SIK2: variants seen among roughly 807,000 people sequenced by gnomAD.
SIK2 encodes the protein salt inducible kinase 2, also known as serine/threonine-protein kinase SIK2.
A neutral mutation model predicts 103.2 loss-of-function variants in SIK2; 29 were observed. That is an observed-to-expected ratio of 0.28 (90% confidence interval 0.21 to 0.38). SIK2 has a LOEUF of 0.38. SIK2 is among the 10% of genes least tolerant of loss of function. SIK2 has a pLI of 1.00. For missense variants in SIK2, 879 were observed against 1,171.0 expected, an observed-to-expected ratio of 0.75 and a Z score of 3.64; for synonymous variants, 412 against 446.1, an observed-to-expected ratio of 0.92 and a Z score of 0.96.
At chr11:111,721,675 G>T in intron 12 of SIK2, among the ~76,000 whole-genome samples, 155 bp from the exon 13 acceptor site, 1 of 152,166 alleles carries the variant, frequency 6.6e-6, no homozygotes, top group Non-Finnish European at 1.5e-5. Context: ...AGAGTAATGA[G>T]CCCTCAGCCT....
Position 111,730,630 on chromosome 11 carries a change from A to G in SIK2, c.*6501A>G, listed in dbSNP as rs546257117. The G allele has an allele frequency of 3.6e-4, 55 of 152,256 alleles. No individual in the cohort carries two copies. The highest frequency in any genetic ancestry group is 1.3e-3 in the African/African-American group (55 of 41,540). The allele number at this position is 152,256 out of a possible 1,614,324, so 9.4% of individuals were successfully genotyped here. A position where few individuals can be genotyped will look rare whatever the true frequency, so the allele number is the denominator to read the frequency against. On this transcript the variant is annotated 3_prime_UTR_variant, in exon 15 of 15. Coordinates refer to ENST00000304987, the MANE Select transcript of SIK2 (RefSeq NM_015191.3). ...TACTAAGAAAAAAATTGGTGAGTTC[A>G]GTAGCTTTGGTATTATGAGTGCAAA...
chr11:111,699,775 GCTGA>G (rs1306554819), intron 4 of SIK2, among the ~76,000 whole-genome samples: 11 of 152,222 alleles, frequency 7.2e-5, no homozygotes, highest in Non-Finnish European at 1.3e-4. Flanking sequence ...ACAGCAACCT[GCTGA>G]CTAAGTGTAT....
At chr11:111,612,588 G>A (rs958816607) in intron 1 of SIK2, among the ~76,000 whole-genome samples, 6 of 152,010 alleles carry the variant, frequency 3.9e-5, no homozygotes, top group African/African-American at 1.4e-4. Context: ...TTCCAGCCCT[G>A]GCCCATAAAA....
chr11:111,708,679 G>A (rs2135940276), intron 8 of SIK2, among the ~76,000 whole-genome samples: 1 of 152,200 alleles, frequency 6.6e-6, no homozygotes, highest in Admixed American at 6.5e-5. Flanking sequence ...AACCTCCTGG[G>A]CTCAGGCGAT....
At chr11:111,651,273 A>G (rs1311689846) in intron 3 of SIK2, among the ~76,000 whole-genome samples, 1 of 152,198 alleles carries the variant, frequency 6.6e-6, no homozygotes, top group Non-Finnish European at 1.5e-5. Context: ...ATGTGCTTAC[A>G]AAGACATGGA....
chr11:111,698,853 A>G (rs1417576931), intron 4 of SIK2, among the ~76,000 whole-genome samples: 1 of 152,244 alleles, frequency 6.6e-6, no homozygotes, highest in Non-Finnish European at 1.5e-5. Flanking sequence ...CTGAACACAC[A>G]TCCGAGAGCT....
At position 111,722,679 on chromosome 11, in the gene SIK2, G is replaced by C; in HGVS notation, c.2070G>C (p.Leu690=). 1 of 1,614,022 alleles carries C rather than the reference G, an allele frequency of 6.2e-7. No individual in the cohort carries two copies. ...TGCTCTTCCAGAAGCCCAGCCTTCT[G>C]TCAAAGGCCCAGAACACCTGTCAGC... is the stretch of plus-strand genomic sequence containing the variant. ...LQHRLQKPSL[L]SKAQNTCQLY... The change falls in exon 14 of 15, where the codon CTG becomes CTC. Residue 690 remains leucine (L), a synonymous_variant. Transcript: ENST00000304987. This position sits in a 1 kb window ranked among gnomAD's most constrained non-coding sequence, Gnocchi z 4.4.
At chr11:111,662,522 G>A (rs1310255377) in intron 3 of SIK2, among the ~76,000 whole-genome samples, 1 of 152,192 alleles carries the variant, frequency 6.6e-6, no homozygotes, top group African/African-American at 2.4e-5. Context: ...GCTGAGGTGG[G>A]TGGATCGCTT....
At position 111,628,451 on chromosome 11, in the gene SIK2, T is replaced by TTTCTTTCTTTCTTTCTTTCC. The variant is rs1202914561; in HGVS notation, c.316+8051_316+8052insCTTTCTTTCTTTCTTTCCTT. Among the ~76,000 whole-genome samples the TTTCTTTCTTTCTTTCTTTCC allele has an allele frequency of 1.8e-3, 260 of 144,868 alleles. 1 individual carries two copies. Among genetic ancestry groups the TTTCTTTCTTTCTTTCTTTCC allele is most frequent in the African/African-American group, 6.6e-3 (251 of 38,120 alleles). ...CTTTCTTTCTTTCTTTCTTTCTTTC[T>TTTCTTTCTTTCTTTCTTTCC]TTTTTGAGACAGGATCTCACTCTGT... On this transcript the variant is annotated intron_variant, in intron 3 of 14. Transcript: ENST00000304987.
chr11:111,696,105 C>CT (rs1468022179), intron 4 of SIK2, among the ~76,000 whole-genome samples: 2 of 152,146 alleles, frequency 1.3e-5, no homozygotes, highest in Admixed American at 6.5e-5. Flanking sequence ...GATAACTGAT[C>CT]TGTAATTAAA....
At chr11:111,611,232 G>A (rs1941721968) in intron 1 of SIK2, among the ~76,000 whole-genome samples, 3 of 117,832 alleles carry the variant, frequency 2.5e-5, no homozygotes, top group African/African-American at 9.4e-5. Context: ...CCAGGCAACA[G>A]AGTGAGACCC....
intron 3 of SIK2, among the ~76,000 whole-genome samples, chr11:111,666,127 A>G (rs1362082633): frequency 6.6e-6 from 1 of 152,076 alleles, no homozygotes; most frequent in East Asian, 1.9e-4. Context: ...TGCCACCTCT[A>G]CCTCCCCGCA....
At chr11:111,665,219 C>CAACATTTAGAAATGTCA (rs1489965524) in intron 3 of SIK2, among the ~76,000 whole-genome samples, 18 of 151,480 alleles carry the variant, frequency 1.2e-4, no homozygotes, top group Non-Finnish European at 2.5e-4. Context: ...ATATTAGAAT[C>CAACATTTAGAAATGTCA]AACATTTAGA....
At chr11:111,703,603 C>G (rs1417438726) in intron 7 of SIK2, among the ~76,000 whole-genome samples, 180 bp downstream of exon 7, 1 of 152,236 alleles carries the variant, frequency 6.6e-6, no homozygotes, top group East Asian at 1.9e-4. Flanking sequence ...TCTTAAATTC[C>G]TTTCTTTGCC....
intron 3 of SIK2, among the ~76,000 whole-genome samples, chr11:111,623,352 G>C (rs934159488): frequency 6.6e-6 from 1 of 152,064 alleles, no homozygotes; most frequent in African/African-American, 2.4e-5. Context: ...TCAGTTCTAG[G>C]TTGGTTTTGA....
At chr11:111,648,833 T>C (rs943729086) in intron 3 of SIK2, among the ~76,000 whole-genome samples, 5 of 152,160 alleles carry the variant, frequency 3.3e-5, no homozygotes. Context: ...AAATAGGTAC[T>C]GTATTTTCAT....
At position 111,724,066 on chromosome 11, in the gene SIK2, C is replaced by A. The variant is rs1036110368; in HGVS notation, c.2718C>A (p.Leu906=). The stretch of plus-strand genomic sequence containing the variant: ...TAGCCCTCTCTGAGCTACCTGGACT[C>A]TTTGATTGTGAAATGCTAGACGCTG... The part of the protein sequence containing the change: ...DPLALSELPG[L]FDCEMLDAVD... Residue 906 remains leucine, a synonymous_variant, in exon 15 of 15, where the codon CTC becomes CTA. Coordinates refer to ENST00000304987, the MANE Select transcript of SIK2 (RefSeq NM_015191.3). 1 of 1,613,992 alleles carries A rather than the reference C, an allele frequency of 6.2e-7. No individual in the cohort carries two copies.
chr11:111,701,026 G>GC lies in SIK2; in HGVS notation c.603+17dup, dbSNP rs920785184. The GC allele has an allele frequency of 2.5e-6, 4 of 1,611,884 alleles. No individual in the cohort carries two copies. In the African/African-American group the frequency reaches 5.3e-5, roughly 22 times the overall value. On this transcript the variant is annotated intron_variant, in intron 5 of 14. Coordinates refer to ENST00000304987, the MANE Select transcript of SIK2 (RefSeq NM_015191.3). This position sits in a 1 kb window ranked among gnomAD's most constrained non-coding sequence, Gnocchi z 4.2. ...GGACATCTGGGTACTGCTTTGCTTT[G>GC]CTGTGTTGTTAAATGCATCTATACT...
In SIK2 at chr11:111,728,760, T is replaced by TG. The variant is rs1219687156; in HGVS notation, c.*4631_*4632insG. 3 of 152,140 alleles carry TG rather than the reference T, an allele frequency of 2.0e-5. No homozygotes were observed. Among genetic ancestry groups the TG allele is most frequent in the South Asian group, 4.2e-4 (2 of 4,802 alleles). 9.4% of individuals were successfully genotyped at this position (152,140 alleles called of 1,614,324 possible). On this transcript the variant is annotated 3_prime_UTR_variant, in exon 15 of 15. Transcript: ENST00000304987. ...TAACACAGTGAAACGCCGTCTCTACTAAAAATACAAAAAATTAGCCGGGCG... is the reference window on the plus strand; with the variant it reads ...TAACACAGTGAAACGCCGTCTCTACTGAAAAATACAAAAAATTAGCCGGGCG...
Sources: allele counts gnomAD v4.1 joint callset (sites outside exome capture counted in the v4.1 genomes callset), GRCh38; gene constraint gnomAD v4.1.1; non-coding constraint Gnocchi (gnomAD v3.1); transcripts MANE v1.5; gene names NCBI Gene and HGNC (gene_info 2026-07-23, HGNC 2026-07-21).